Variants in PDE1A observed in about 807,000 individuals in gnomAD.
PDE1A encodes the protein phosphodiesterase 1A, also known as dual specificity calcium/calmodulin-dependent 3',5'-cyclic nucleotide phosphodiesterase 1A.
Under a neutral mutation model 61.7 loss-of-function variants are expected in PDE1A, and 35 were observed. The observed-to-expected ratio is 0.57, with a 90% CI of 0.43 to 0.75. The LOEUF (loss-of-function observed/expected upper bound fraction) is 0.75, where lower values mean the gene tolerates loss of function less well. Among genes scored for constraint, PDE1A ranks in the 30% least tolerant of loss-of-function variants. PDE1A has a pLI of 0.00. For synonymous variants in PDE1A, 232 were observed against 213.2 expected (o/e 1.09, Z -0.77); for missense variants, 597 against 630.6 (o/e 0.95, Z 0.57).
the PDE1A span, among the ~76,000 whole-genome samples, chr2:182,676,327 AT>A: frequency 6.6e-6 from 1 of 152,046 alleles, no homozygotes; most frequent in East Asian, 1.9e-4. Flanking sequence ...AGATGGATAG[AT>A]TTCTGGACAC....
chr2:182,386,159 C>A (rs1344790572), intron 1 of PDE1A, among the ~76,000 whole-genome samples: 1 of 152,182 alleles, frequency 6.6e-6, no homozygotes, highest in Non-Finnish European at 1.5e-5. Flanking sequence ...CAATGTTGCC[C>A]AGGCTGGAGT....
chr2:182,455,449 C>T (rs1165514255), intron 2 of PDE1A, among the ~76,000 whole-genome samples: 1 of 152,126 alleles, frequency 6.6e-6, no homozygotes, highest in African/African-American at 2.4e-5. Context: ...TATACAGACA[C>T]ATGCACATGT....
At chr2:182,590,737 T>C in the PDE1A span, among the ~76,000 whole-genome samples, 1 of 152,192 alleles carries the variant, frequency 6.6e-6, no homozygotes, top group Non-Finnish European at 1.5e-5. Flanking sequence ...AAGATTTCCA[T>C]TAAATATAGG....
At chr2:182,469,220 T>A (rs369193692) in intron 2 of PDE1A, among the ~76,000 whole-genome samples, 1 of 151,812 alleles carries the variant, frequency 6.6e-6, no homozygotes, top group Admixed American at 6.6e-5. Flanking sequence ...CCAATAGAAA[T>A]CTGTGTCATC....
the PDE1A span, among the ~76,000 whole-genome samples, chr2:182,657,066 T>C: frequency 1.3e-4 from 20 of 152,178 alleles, no homozygotes; most frequent in Middle Eastern, 3.4e-3. Context: ...CTACTAAAAA[T>C]GCAAAAATTA....
chr2:182,428,530 T>C (rs1300759931), upstream of PDE1A, among the ~76,000 whole-genome samples: 7 of 152,164 alleles, frequency 4.6e-5, no homozygotes, highest in African/African-American at 1.7e-4. Context: ...GATCAATAAG[T>C]ACCAATGATA....
At chr2:182,419,966 G>T (rs561950525) in intron 1 of PDE1A, among the ~76,000 whole-genome samples, 264 of 151,750 alleles carry the variant, frequency 1.7e-3, no homozygotes, top group Non-Finnish European at 2.7e-3. Flanking sequence ...TTATAGTTTC[G>T]TAGGGGAGCT....
intron 2 of PDE1A, among the ~76,000 whole-genome samples, chr2:182,499,818 C>A (rs1005215207): frequency 1.3e-5 from 2 of 152,142 alleles, no homozygotes; most frequent in Non-Finnish European, 2.9e-5. Context: ...AGAAGCTCAT[C>A]CCCTAAACAG....
intron 1 of PDE1A, among the ~76,000 whole-genome samples, chr2:182,361,461 C>T (rs1047664559): frequency 3.3e-5 from 5 of 151,958 alleles, no homozygotes; most frequent in African/African-American, 7.2e-5. Context: ...TTAGATGAAA[C>T]TACTTGTTTG....
chr2:182,471,873 C>T (rs912929361), intron 2 of PDE1A, among the ~76,000 whole-genome samples: 3 of 151,532 alleles, frequency 2.0e-5, no homozygotes, highest in Non-Finnish European at 3.0e-5. Context: ...AAAAAATTCC[C>T]AAATAATCCC....
intron 2 of PDE1A, among the ~76,000 whole-genome samples, chr2:182,433,468 T>C (rs1238238733): frequency 6.6e-6 from 1 of 152,088 alleles, no homozygotes; most frequent in East Asian, 1.9e-4. Context: ...AGACCCAATG[T>C]TCAAGTCTAC....
chr2:182,553,890 G>C, the PDE1A span, among the ~76,000 whole-genome samples: 1 of 152,312 alleles, frequency 6.6e-6, no homozygotes, highest in South Asian at 2.1e-4. Flanking sequence ...CCGTATGTCT[G>C]GAATGGTGGG....
rs1692161248 is a variant in PDE1A at position 182,260,705 on chromosome 2, C to G, written c.167+3596G>C. On this transcript the variant is annotated intron_variant, in intron 2 of 13. Coordinates refer to ENST00000351439, the Ensembl canonical transcript of PDE1A. Reference sequence around the variant, plus strand: ...CCACGGTAGCCATTTTCAAGCTAGCCACATGAAACTACTGAAGGCAGAATT... The same window carrying G: ...CCACGGTAGCCATTTTCAAGCTAGCGACATGAAACTACTGAAGGCAGAATT... 2.6e-5 allele frequency among the ~76,000 whole-genome samples: 4 copies of G among 152,236 alleles called. No homozygotes were observed. The South Asian group carries it at 8.3e-4, about 32-fold the overall frequency.
the PDE1A span, among the ~76,000 whole-genome samples, chr2:182,604,066 C>T: frequency 1.3e-5 from 2 of 151,516 alleles, no homozygotes; most frequent in Non-Finnish European, 2.9e-5. Context: ...GTATACATGC[C>T]CAGAACTATA....
At chr2:182,276,636 C>A (rs977668760) in intron 1 of PDE1A, among the ~76,000 whole-genome samples, 1 of 151,914 alleles carries the variant, frequency 6.6e-6, no homozygotes, top group Non-Finnish European at 1.5e-5. Context: ...AGAATAACAG[C>A]AATTTTAGGG....
At chr2:182,469,445 G>A (rs1484792217) in intron 2 of PDE1A, among the ~76,000 whole-genome samples, 1 of 151,910 alleles carries the variant, frequency 6.6e-6, no homozygotes, top group Non-Finnish European at 1.5e-5. Context: ...AGCCTTCATA[G>A]AATTGAAGAG....
At chr2:182,647,771 G>C in the PDE1A span, among the ~76,000 whole-genome samples, 1 of 152,106 alleles carries the variant, frequency 6.6e-6, no homozygotes, top group East Asian at 1.9e-4. Flanking sequence ...GTTCAATTTA[G>C]CATAAGAAGC....
At chr2:182,579,131 A>C in the PDE1A span, among the ~76,000 whole-genome samples, 1 of 152,256 alleles carries the variant, frequency 6.6e-6, no homozygotes, top group Non-Finnish European at 1.5e-5. Context: ...TAACTTGATT[A>C]TAACAGGAAA....
intron 1 of PDE1A, among the ~76,000 whole-genome samples, chr2:182,421,984 C>G (rs1703305475): frequency 6.6e-6 from 1 of 152,142 alleles, no homozygotes; most frequent in African/African-American, 2.4e-5. Flanking sequence ...ACTCAGAACT[C>G]CTCTGCTAAC....
Sources: allele counts gnomAD v4.1 joint callset (sites outside exome capture counted in the v4.1 genomes callset), GRCh38; gene constraint gnomAD v4.1.1; transcripts MANE v1.5; gene names NCBI Gene and HGNC (gene_info 2026-07-23, HGNC 2026-07-21).